MZT2A: variants seen among roughly 807,000 people sequenced by gnomAD.
The protein encoded by MZT2A is mitotic spindle organizing protein 2A, also known as mitotic-spindle organizing protein 2A.
MZT2A carries 8 observed loss-of-function variants against 12.4 expected under a neutral mutation model. The ratio of observed to expected loss-of-function variants is 0.64; its 90% CI spans 0.38 to 1.16. MZT2A has a LOEUF of 1.16. Among genes scored for constraint, MZT2A ranks in the 50% most tolerant of loss-of-function variants. MZT2A has a pLI of 0.01. For missense variants in MZT2A, 181 were observed against 223.6 expected, an observed-to-expected ratio of 0.81 and a Z score of 1.22; for synonymous variants, 88 against 107.5, an observed-to-expected ratio of 0.82 and a Z score of 1.12.
At chr2:131,472,195 G>C (rs1705002891) in intron 2 of MZT2A, 3 of 1,281,604 alleles carry the variant, frequency 2.3e-6, no homozygotes, top group Non-Finnish European at 3.0e-6. Flanking sequence ...GTTTGAATAT[G>C]AGCAAAAGAG....
downstream of MZT2A, chr2:131,480,182 G>A (rs148201116): frequency 1.3e-4 from 209 of 1,613,966 alleles, no homozygotes; most frequent in African/African-American, 2.5e-3. Context: ...ATTACGGCAA[G>A]AAGTCCAAGC....
chr2:131,480,832 G>GAA, downstream of MZT2A: 1 of 1,549,162 alleles, frequency 6.5e-7, no homozygotes, highest in Non-Finnish European at 8.8e-7. Flanking sequence ...CATCCTTTGG[G>GAA]GAGATTATCC....
At chr2:131,479,537 C>T (rs1678780400), downstream of MZT2A, 9 of 1,585,610 alleles carry the variant, frequency 5.7e-6, no homozygotes, top group Non-Finnish European at 6.9e-6. Flanking sequence ...GTCATTTTAT[C>T]AACACTTAGA....
Position 131,490,414 on chromosome 2 carries a change from C to T in MZT2A, c.319+1462G>A, listed in dbSNP as rs571736917. The stretch of plus-strand genomic sequence containing the variant: ...GCTCTCCAGCAGAGCACACTGCACC[C>T]GGCTGGCTGTCTTCCCCTGGAGAGG... On this transcript the variant is annotated intron_variant, in intron 2 of 2. Transcript: ENST00000309451. 1,397 of 1,234,186 alleles carry T rather than the reference C, an allele frequency of 1.1e-3. 2 individuals carry two copies. The highest frequency in any genetic ancestry group is 1.3e-3 in the Non-Finnish European group (1,252 of 965,724). The allele number at this position is 1,234,186 out of a possible 1,614,324, so 76.5% of individuals were successfully genotyped here.
At chr2:131,472,668 G>T (rs900643076) in intron 2 of MZT2A, among the ~76,000 whole-genome samples, 4 of 152,168 alleles carry the variant, frequency 2.6e-5, no homozygotes, top group African/African-American at 9.7e-5. Flanking sequence ...TGTAGCCAAG[G>T]GGCAATATGC....
intron 2 of MZT2A, chr2:131,475,947 C>T: frequency 1.8e-6 from 1 of 550,106 alleles, no homozygotes; most frequent in Middle Eastern, 5.1e-4. Context: ...CCTTTGATGA[C>T]CCCCGCTGCC....
intron 2 of MZT2A, among the ~76,000 whole-genome samples, chr2:131,474,065 C>A (rs1226245697): frequency 7.0e-6 from 1 of 142,814 alleles, no homozygotes; most frequent in Admixed American, 6.7e-5. Context: ...ATTTGTGATA[C>A]CAAAGACAAT....
At chr2:131,477,698 G>A (rs1406427803) in intron 2 of MZT2A, among the ~76,000 whole-genome samples, 3 of 151,252 alleles carry the variant, frequency 2.0e-5, no homozygotes, top group Non-Finnish European at 4.4e-5. Flanking sequence ...AATGATGGAC[G>A]GGGTAGAACT....
chr2:131,477,995 G>C (rs1678731438), intron 2 of MZT2A, among the ~76,000 whole-genome samples: 1 of 152,156 alleles, frequency 6.6e-6, no homozygotes, highest in South Asian at 2.1e-4. Context: ...ACAGCAATTA[G>C]TTTTCACAGC....
chr2:131,492,382 A>C lies in MZT2A; in HGVS notation c.-6T>G, dbSNP rs1401719084. On this transcript the variant is annotated 5_prime_UTR_variant, in exon 1 of 3. Coordinates refer to ENST00000309451, the MANE Select transcript of MZT2A (RefSeq NM_001085365.2). Reference sequence around the variant, plus strand: ...CCTACGCCCTGCGCCGCCATCCGCGAGGCCCGCCGAAAGGTGCGCCCCGCC... The same window carrying C: ...CCTACGCCCTGCGCCGCCATCCGCGCGGCCCGCCGAAAGGTGCGCCCCGCC... 205 of 1,306,508 alleles carry C rather than the reference A, an allele frequency of 1.6e-4. No homozygotes were observed. The highest frequency in any genetic ancestry group is 3.2e-4 in the East Asian group (10 of 31,304). 80.9% of individuals were successfully genotyped at this position (1,306,508 alleles called of 1,614,324 possible). A position where few individuals can be genotyped will look rare whatever the true frequency, so the allele number is the denominator to read the frequency against.
At chr2:131,488,409 A>T (rs1679140907) in intron 2 of MZT2A, among the ~76,000 whole-genome samples, 1 of 152,222 alleles carries the variant, frequency 6.6e-6, no homozygotes, top group East Asian at 1.9e-4. Context: ...GCTGGGGGAC[A>T]GGCATCCAGA....
chr2:131,490,829 G>C (rs907984655), intron 2 of MZT2A: 3 of 1,549,878 alleles, frequency 1.9e-6, no homozygotes, highest in African/African-American at 1.4e-5. Context: ...CGCAGGCTGC[G>C]GGCTGGAGGA....
chr2:131,483,674 T>C (rs756322330), downstream of MZT2A, among the ~76,000 whole-genome samples: 4 of 152,032 alleles, frequency 2.6e-5, no homozygotes, highest in Non-Finnish European at 4.4e-5. Flanking sequence ...AAGATCGCAC[T>C]ACTGCACTCC....
intron 2 of MZT2A, among the ~76,000 whole-genome samples, chr2:131,476,930 C>CA (rs1221561132): frequency 7.0e-6 from 1 of 143,132 alleles, no homozygotes; most frequent in Non-Finnish European, 1.5e-5. Flanking sequence ...GACCCTGCCT[C>CA]AAAGACACAA....
chr2:131,491,747 G>C (rs1369707583), intron 2 of MZT2A, 129 bp downstream of exon 2: 1 of 1,290,808 alleles, frequency 7.7e-7, no homozygotes, highest in Non-Finnish European at 1.0e-6. Context: ...GGGCCCTGCA[G>C]GTGCTGGGCC....
At position 131,472,761 on chromosome 2, in the gene MZT2A, A is replaced by C. The variant is rs181792632; in HGVS notation, c.279-579T>G. ...CTCTGTGATGTTCTCACATCAACGA[A>C]ATTACCTGATGATGCATTGTCGAGA... On this transcript the variant is annotated intron_variant and NMD_transcript_variant, in intron 2 of 4. Transcript: ENST00000427024. 4.4e-3 allele frequency among the ~76,000 whole-genome samples: 669 copies of C among 152,298 alleles called. 9 individuals are homozygous for C. The highest frequency in any genetic ancestry group is 0.015 in the African/African-American group (633 of 41,552).
intron 2 of MZT2A, chr2:131,475,965 CAATCCT>C: frequency 4.0e-6 from 3 of 755,922 alleles, no homozygotes; most frequent in Non-Finnish European, 6.2e-6. Context: ...GCCTTCCCGC[CAATCCT>C]ACATCCAATC....
Position 131,490,777 on chromosome 2 carries a change from T to C in MZT2A, c.319+1099A>G, listed in dbSNP as rs532647127. On this transcript the variant is annotated intron_variant, in intron 2 of 2. Coordinates refer to ENST00000309451, the MANE Select transcript of MZT2A (RefSeq NM_001085365.2). ...AACCCGGGGGGCCTGGAGAGAGAGG[T>C]GAGTGTGTGGCAGCTGGGCTGTGGA... 2.5e-4 allele frequency: 394 copies of C among 1,548,152 alleles called. 1 individual carries two copies. The highest frequency in any genetic ancestry group is 1.0e-3 in the Middle Eastern group (6 of 5,974).
At chr2:131,473,972 C>T (rs1446393888) in intron 2 of MZT2A, among the ~76,000 whole-genome samples, 12 of 148,658 alleles carry the variant, frequency 8.1e-5, no homozygotes, top group Admixed American at 7.3e-4. Context: ...TTCAGTCACA[C>T]GCCTTGTACT....
Sources: allele counts gnomAD v4.1 joint callset (sites outside exome capture counted in the v4.1 genomes callset), GRCh38; gene constraint gnomAD v4.1.1; transcripts MANE v1.5; gene names NCBI Gene and HGNC (gene_info 2026-07-23, HGNC 2026-07-21).